Variants in VRK2 observed in about 807,000 individuals in gnomAD.
VRK2 encodes serine/threonine-protein kinase VRK2.
Under a neutral mutation model 57.6 loss-of-function variants are expected in VRK2, and 60 were observed. The observed-to-expected ratio is 1.04, with a 90% CI of 0.85 to 1.29. The LOEUF (loss-of-function observed/expected upper bound fraction) is 1.29. Ranked by LOEUF, VRK2 falls within the 50% of genes most tolerant of loss-of-function variation. The pLI is 0.00. For missense variants in VRK2, 705 were observed against 588.1 expected, an observed-to-expected ratio of 1.20 and a Z score of -2.06; for synonymous variants, 231 against 199.2, an observed-to-expected ratio of 1.16 and a Z score of -1.35.
chr2:58,057,355 A>G (rs1676678128), intron 2 of VRK2, among the ~76,000 whole-genome samples: 1 of 152,150 alleles, frequency 6.6e-6, no homozygotes, highest in South Asian at 2.1e-4. Flanking sequence ...GTATGTGTTT[A>G]TTCTCTTTTC....
At chr2:58,130,946 C>G (rs1188515201) in intron 8 of VRK2, among the ~76,000 whole-genome samples, 1 of 151,956 alleles carries the variant, frequency 6.6e-6, no homozygotes, top group Non-Finnish European at 1.5e-5. Context: ...CATTGTCCAT[C>G]TTCTTATATA....
chr2:57,978,225 C>T (rs75914686), intron 1 of VRK2, among the ~76,000 whole-genome samples: 5,145 of 150,960 alleles, frequency 0.034, 174 homozygotes, highest in South Asian at 0.11. Context: ...GTATGAAGTT[C>T]GGGTGATTCT....
intron 2 of VRK2, among the ~76,000 whole-genome samples, chr2:58,081,857 C>T (rs1251132403): frequency 4.9e-5 from 7 of 142,122 alleles, no homozygotes; most frequent in South Asian, 2.4e-4. Context: ...ATACCATGTC[C>T]GTGTGTGTGT....
At chr2:57,971,847 C>T (rs944526462) in intron 1 of VRK2, among the ~76,000 whole-genome samples, 1 of 151,714 alleles carries the variant, frequency 6.6e-6, no homozygotes, top group Admixed American at 6.6e-5. Flanking sequence ...AACAAAAATG[C>T]TTCAACTCAT....
chr2:58,129,661 C>T (rs530883353), intron 8 of VRK2, among the ~76,000 whole-genome samples: 1 of 152,288 alleles, frequency 6.6e-6, no homozygotes, highest in African/African-American at 2.4e-5. Context: ...AATTACTCCT[C>T]TGTGTACAGT....
At position 58,068,187 on chromosome 2, in the gene VRK2, C is replaced by T. The variant is rs376541477; in HGVS notation, c.137-15902C>T. ...TCAAGTGATCTGTCCACCTTGGCCT[C>T]CCAAAGTGCTGGGATTACAGGCTTT... is the stretch of plus-strand genomic sequence containing the variant. On this transcript the variant is annotated intron_variant, in intron 2 of 12. Coordinates refer to ENST00000340157, the MANE Select transcript of VRK2 (RefSeq NM_006296.7). Among the ~76,000 whole-genome samples the T allele has an allele frequency of 3.4e-4, 52 of 152,290 alleles. 1 individual carries two copies. In the East Asian group the frequency reaches 5.6e-3, roughly 16 times the overall value.
chr2:57,922,090 T>C (rs941850132), intron 1 of VRK2, among the ~76,000 whole-genome samples: 2 of 152,076 alleles, frequency 1.3e-5, no homozygotes, highest in African/African-American at 4.8e-5. Flanking sequence ...GCTCAAACTT[T>C]AGGTTTTCCT....
chr2:58,004,297 C>G (rs1250470207), intron 1 of VRK2, among the ~76,000 whole-genome samples: 3 of 152,246 alleles, frequency 2.0e-5, no homozygotes, highest in South Asian at 4.1e-4. Flanking sequence ...TACTAAGCCA[C>G]TGTGTATTCT....
At chr2:58,027,578 A>G (rs1426545960) in intron 2 of VRK2, among the ~76,000 whole-genome samples, 1 of 152,160 alleles carries the variant, frequency 6.6e-6, no homozygotes, top group East Asian at 1.9e-4. Context: ...GGATTGGTGG[A>G]AAGGGGGACT....
chr2:58,083,512 T>G (rs556129815), intron 2 of VRK2, among the ~76,000 whole-genome samples: 1 of 151,998 alleles, frequency 6.6e-6, no homozygotes, highest in South Asian at 2.1e-4. Context: ...ATATGTATTC[T>G]TTAATGTAAA....
intron 1 of VRK2, among the ~76,000 whole-genome samples, chr2:57,979,280 C>T (rs1672343928): frequency 6.6e-6 from 1 of 151,016 alleles, no homozygotes; most frequent in Admixed American, 6.6e-5. Flanking sequence ...ACATTCCCAC[C>T]AACAGTGTAA....
chr2:57,916,426 A>G (rs1458864432), intron 1 of VRK2, among the ~76,000 whole-genome samples: 1 of 142,576 alleles, frequency 7.0e-6, no homozygotes, highest in African/African-American at 2.6e-5. Context: ...AAAAAAAAAG[A>G]CTACCCCCTA....
chr2:58,136,277 GGA>G lies in VRK2; in HGVS notation c.856+1083_856+1084del, dbSNP rs546761974. Among the ~76,000 whole-genome samples the G allele has an allele frequency of 4.2e-3, 633 of 152,226 alleles. 7 individuals are homozygous for G. Among genetic ancestry groups the G allele is most frequent in the African/African-American group, 0.014 (592 of 41,532 alleles). ...TTCATCGGATTGAGGGAGCCACACA[GGA>G]GAGATCCTCATTGTGGGAATGGGTT... On this transcript the variant is annotated intron_variant, in intron 10 of 12. Transcript: ENST00000340157.
chr2:58,127,732 T>G (rs995855080), intron 8 of VRK2, among the ~76,000 whole-genome samples: 1 of 152,192 alleles, frequency 6.6e-6, no homozygotes, highest in Non-Finnish European at 1.5e-5. Flanking sequence ...AGCACACATA[T>G]TAATATTTTG....
intron 7 of VRK2, among the ~76,000 whole-genome samples, chr2:58,095,322 G>A (rs949495939): frequency 7.9e-5 from 12 of 151,376 alleles, no homozygotes; most frequent in Non-Finnish European, 1.8e-4. Context: ...ATACTTGTTG[G>A]CATTTTCATT....
At chr2:58,137,198 A>ATCATATATATGATACATG (rs1680534770) in intron 10 of VRK2, among the ~76,000 whole-genome samples, 15 of 90,872 alleles carry the variant, frequency 1.7e-4, no homozygotes, top group African/African-American at 6.2e-4. Flanking sequence ...TGATACATAT[A>ATCATATATATGATACATG]TATCTCATAT....
At chr2:58,100,465 G>C (rs551350089) in intron 7 of VRK2, among the ~76,000 whole-genome samples, 2 of 151,874 alleles carry the variant, frequency 1.3e-5, no homozygotes, top group South Asian at 4.2e-4. Context: ...CTTTAAAGTG[G>C]ATAGGGTTTA....
chr2:57,937,003 A>G (rs544653530), intron 1 of VRK2, among the ~76,000 whole-genome samples: 2 of 152,314 alleles, frequency 1.3e-5, no homozygotes, highest in Non-Finnish European at 1.5e-5. Flanking sequence ...CAGGATTCCC[A>G]GATTCTAGTT....
chr2:58,056,039 A>G (rs1053728630), intron 2 of VRK2, among the ~76,000 whole-genome samples: 5 of 152,084 alleles, frequency 3.3e-5, no homozygotes, highest in Admixed American at 1.3e-4. Context: ...TGAGAACTCT[A>G]AACATCATAT....
Sources: allele counts gnomAD v4.1 joint callset (sites outside exome capture counted in the v4.1 genomes callset), GRCh38; gene constraint gnomAD v4.1.1; transcripts MANE v1.5; gene names NCBI Gene and HGNC (gene_info 2026-07-23, HGNC 2026-07-21).